OTUD7A: variants seen among roughly 807,000 people sequenced by gnomAD.
The protein encoded by OTUD7A is OTU deubiquitinase 7A.
A neutral mutation model predicts 65.7 loss-of-function variants in OTUD7A; 12 were observed. The ratio of observed to expected loss-of-function variants is 0.18; its 90% CI spans 0.12 to 0.30. OTUD7A has a LOEUF of 0.30. Among genes scored for constraint, OTUD7A ranks in the 10% least tolerant of loss-of-function variants. The pLI is 1.00. For missense variants in OTUD7A, 1,148 were observed against 1,304.8 expected, an observed-to-expected ratio of 0.88 and a Z score of 1.85; for synonymous variants, 641 against 586.3, an observed-to-expected ratio of 1.09 and a Z score of -1.35.
intron 3 of OTUD7A, among the ~76,000 whole-genome samples, chr15:31,612,936 C>T (rs1400851596): frequency 5.9e-5 from 9 of 152,068 alleles, no homozygotes; most frequent in Non-Finnish European, 8.8e-5. Context: ...GGTACTGGTA[C>T]AAAAGTAGGC....
chr15:31,817,165 C>T (rs993983102), intron 1 of OTUD7A, among the ~76,000 whole-genome samples: 2 of 151,830 alleles, frequency 1.3e-5, no homozygotes, highest in Non-Finnish European at 2.9e-5. Context: ...TTTAAAGGTC[C>T]AAATATTTCA....
intron 4 of OTUD7A, among the ~76,000 whole-genome samples, chr15:31,569,542 C>T (rs542033380): frequency 3.9e-5 from 6 of 152,302 alleles, no homozygotes; most frequent in Admixed American, 1.3e-4. Context: ...GGTGTGGAGG[C>T]GAATGCTCTT....
intron 7 of OTUD7A, among the ~76,000 whole-genome samples, chr15:31,526,948 G>A (rs1265025144): frequency 6.6e-6 from 1 of 152,208 alleles, no homozygotes; most frequent in Non-Finnish European, 1.5e-5. Flanking sequence ...TCATGATTAT[G>A]CCTTAAGGAA....
intron 3 of OTUD7A, among the ~76,000 whole-genome samples, chr15:31,649,423 A>C (rs1891771080): frequency 6.6e-6 from 1 of 152,086 alleles, no homozygotes; most frequent in Non-Finnish European, 1.5e-5. Flanking sequence ...TTTTGAAATA[A>C]ATAAAAATAC....
At chr15:31,704,767 ACTCTT>A (rs529086216) in intron 1 of OTUD7A, among the ~76,000 whole-genome samples, 1,003 of 34,024 alleles carry the variant, frequency 0.029, 7 homozygotes, top group Admixed American at 0.031. Flanking sequence ...CACAAGATGC[ACTCTT>A]TTCTTCTGGA....
chr15:31,615,139 G>A (rs1346748071), intron 3 of OTUD7A, among the ~76,000 whole-genome samples: 1 of 152,106 alleles, frequency 6.6e-6, no homozygotes, highest in African/African-American at 2.4e-5. Flanking sequence ...TAACCAACTA[G>A]ATCAGTTATC....
intron 1 of OTUD7A, among the ~76,000 whole-genome samples, chr15:31,760,392 G>A (rs1284982286): frequency 6.6e-6 from 1 of 152,088 alleles, no homozygotes; most frequent in East Asian, 1.9e-4. Context: ...TTTTTATGCT[G>A]TCCTTTATAG....
At chr15:31,501,171 A>G (rs74010672) in intron 10 of OTUD7A, among the ~76,000 whole-genome samples, 2,019 of 152,314 alleles carry the variant, frequency 0.013, 48 homozygotes, top group African/African-American at 0.047. Flanking sequence ...CTTCCCATAA[A>G]TAGCTAATTA....
intron 3 of OTUD7A, among the ~76,000 whole-genome samples, chr15:31,572,799 A>G (rs925482337): frequency 6.6e-6 from 1 of 152,220 alleles, no homozygotes; most frequent in Non-Finnish European, 1.5e-5. Context: ...GACTGCAGAT[A>G]GCATAGTAAG....
At chr15:31,845,803 G>A (rs1336657367) in intron 1 of OTUD7A, among the ~76,000 whole-genome samples, 1 of 152,254 alleles carries the variant, frequency 6.6e-6, no homozygotes, top group Non-Finnish European at 1.5e-5. Flanking sequence ...GAGTGAGCAT[G>A]GAGCACAAAG....
intron 1 of OTUD7A, among the ~76,000 whole-genome samples, chr15:31,747,523 C>G (rs1005459329): frequency 6.6e-6 from 1 of 152,098 alleles, no homozygotes; most frequent in Admixed American, 6.5e-5. Flanking sequence ...CTGGGGCAAC[C>G]TGAGCATCAC....
intron 3 of OTUD7A, among the ~76,000 whole-genome samples, chr15:31,652,839 A>C (rs1891880381): frequency 6.6e-6 from 1 of 152,252 alleles, no homozygotes; most frequent in Non-Finnish European, 1.5e-5. Context: ...CCAAGTGTTG[A>C]CAAGGATGTG....
At chr15:31,530,273 C>T (rs577598203) in intron 6 of OTUD7A, among the ~76,000 whole-genome samples, 3 of 152,332 alleles carry the variant, frequency 2.0e-5, no homozygotes, top group African/African-American at 7.2e-5. Flanking sequence ...AGCTTTACCT[C>T]GTTCACCCCT....
At chr15:31,524,133 G>GT (rs1277653916) in intron 8 of OTUD7A, among the ~76,000 whole-genome samples, 9 of 149,608 alleles carry the variant, frequency 6.0e-5, no homozygotes, top group African/African-American at 1.8e-4. Context: ...CCTCTTCTGA[G>GT]TTTTTTGTTT....
At position 31,549,051 on chromosome 15, in the gene OTUD7A, G is replaced by A. The variant is rs370346965; in HGVS notation, c.550+9918C>T. Among the ~76,000 whole-genome samples the A allele has an allele frequency of 2.4e-4, 36 of 151,000 alleles. No homozygotes were observed. The South Asian group carries it at 5.0e-3, about 21-fold the overall frequency. On this transcript the variant is annotated intron_variant, in intron 5 of 12. Transcript: ENST00000307050. The stretch of plus-strand genomic sequence containing the variant: ...CTTGGGAGGCTAAGGCAGGAGAATC[G>A]CTTGAACCCGGGAGACACAGGCTGG...
intron 1 of OTUD7A, among the ~76,000 whole-genome samples, chr15:31,698,944 T>A (rs1214770958): frequency 1.3e-5 from 2 of 152,122 alleles, no homozygotes; most frequent in Admixed American, 6.5e-5. Context: ...AACAGGATGG[T>A]AATAAGGACT....
intron 1 of OTUD7A, among the ~76,000 whole-genome samples, chr15:31,758,776 G>A (rs1174636132): frequency 1.3e-5 from 2 of 151,954 alleles, no homozygotes; most frequent in African/African-American, 4.8e-5. Flanking sequence ...AACTCAACAC[G>A]ACTCCATCAG....
Position 31,510,997 on chromosome 15 carries a change from T to C in OTUD7A, c.894-7179A>G, listed in dbSNP as rs201310242. Among the ~76,000 whole-genome samples the C allele has an allele frequency of 1.1e-3, 97 of 87,810 alleles. 22 individuals carry two copies. The highest frequency in any genetic ancestry group is 8.1e-3 in the East Asian group (24 of 2,968). 57.6% of individuals were successfully genotyped at this position (87,810 alleles called of 152,430 possible). On this transcript the variant is annotated intron_variant, in intron 8 of 12. Coordinates refer to ENST00000307050, the MANE Select transcript of OTUD7A (RefSeq NM_001382637.1). ...CATATGTATATCTATATGTAACATA[T>C]GTATATCTATATGTAACATACATGT...
intron 1 of OTUD7A, among the ~76,000 whole-genome samples, chr15:31,739,305 T>C (rs1894275712): frequency 6.6e-6 from 1 of 152,164 alleles, no homozygotes; most frequent in Non-Finnish European, 1.5e-5. Flanking sequence ...TCCAGTCCAA[T>C]GCTAAAAGTA....
Sources: gnomAD v4.1 joint callset for allele counts (sites outside exome capture counted in the v4.1 genomes callset) on GRCh38, gnomAD v4.1.1 for gene constraint, MANE v1.5 for transcripts, NCBI Gene and HGNC (gene_info 2026-07-23, HGNC 2026-07-21) for gene names.